TYRO3: variants seen among roughly 807,000 people sequenced by gnomAD.
TYRO3 encodes tyrosine-protein kinase receptor TYRO3.
A neutral mutation model predicts 95.2 loss-of-function variants in TYRO3; 38 were observed. The ratio of observed to expected loss-of-function variants is 0.40; its 90% CI spans 0.31 to 0.52. TYRO3 has a LOEUF of 0.52. Among genes scored for constraint, TYRO3 ranks in the 20% least tolerant of loss-of-function variants. TYRO3 has a pLI of 0.56. For missense variants in TYRO3, 812 were observed against 1,116.4 expected (o/e 0.73, Z 3.89); for synonymous variants, 367 against 432.9 (o/e 0.85, Z 1.89).
intron 7 of TYRO3, 78 bp from the exon 8 acceptor site, chr15:41,568,139 G>A: frequency 6.3e-7 from 1 of 1,578,430 alleles, no homozygotes; most frequent in Non-Finnish European, 8.6e-7. Flanking sequence ...GTTCTTGGGA[G>A]TTGATTCCAA....
Position 41,570,112 on chromosome 15 carries a change from G to C in TYRO3, c.1338G>C (p.Leu446=). 1 of 1,614,174 alleles carries C rather than the reference G, an allele frequency of 6.2e-7. No homozygotes were observed. The highest frequency in any genetic ancestry group is 1.1e-5 in the South Asian group (1 of 91,084). ...VLTALVTAAA[L]ALILLRKRRK... ...CGGCCCTGGTGACGGCTGCTGCCCT[G>C]GCCCTCATCCTGCTTCGAAAGAGAC... Residue 446 remains leucine (L), a synonymous_variant, in exon 10 of 19, where the codon CTG becomes CTC. Coordinates refer to ENST00000263798, the MANE Select transcript of TYRO3 (RefSeq NM_006293.4).
At position 41,568,219 on chromosome 15, in the gene TYRO3, C is replaced by G; in HGVS notation, c.964C>G (p.Pro322Ala). Residue 322 changes from proline (P) to alanine (A), a missense_variant and splice_region_variant, in exon 8 of 19, where the codon CCA (proline) becomes GCA (alanine). Coordinates refer to ENST00000263798, the MANE Select transcript of TYRO3 (RefSeq NM_006293.4). ...CAATCTTCTCTCTTTGGCTGCAGCC[C>G]CAGCCAGCGCTCCCCAAAACCTCCA... is the stretch of plus-strand genomic sequence containing the variant. ...WVPFQTKGLA[P>A]ASAPQNLHAI... 6.2e-7 allele frequency: 1 copy of G among 1,611,980 alleles called. No individual in the cohort carries two copies. Among genetic ancestry groups the G allele is most frequent in the Non-Finnish European group, 8.5e-7 (1 of 1,179,786 alleles).
chr15:41,560,459 T>G (rs2055638863), intron 1 of TYRO3, among the ~76,000 whole-genome samples: 1 of 140,504 alleles, frequency 7.1e-6, no homozygotes, highest in East Asian at 2.0e-4. Flanking sequence ...GCACGCAAGT[T>G]CCAAAGAGTG....
chr15:41,573,262 G>A, intron 16 of TYRO3, 46 bp from the exon 17 acceptor site: 1 of 1,610,830 alleles, frequency 6.2e-7, no homozygotes, highest in Non-Finnish European at 8.5e-7. Flanking sequence ...TTGTGGGCCT[G>A]TGAGCATGGC....
chr15:41,570,356 T>C lies in TYRO3; in HGVS notation c.1483+16T>C, dbSNP rs1465762172. On this transcript the variant is annotated intron_variant, in intron 11 of 18. Transcript: ENST00000263798. ...GAGGCCACATGTGAGTGGTGGGTGA[T>C]CGTGGGAAGGACAAATGGGCTGTCT... is the stretch of plus-strand genomic sequence containing the variant. 2 of 1,612,892 alleles carry C rather than the reference T, an allele frequency of 1.2e-6. No homozygotes were observed.
At chr15:41,561,080 GAC>G (rs754359316) in intron 1 of TYRO3, 45 bp from the exon 2 acceptor site, 18 of 1,608,244 alleles carry the variant, frequency 1.1e-5, no homozygotes, top group Non-Finnish European at 1.5e-5. Flanking sequence ...TGTTTACAGA[GAC>G]AGAGTCCCTC....
chr15:41,570,886 C>T (rs2055787278), intron 12 of TYRO3, 152 bp from the exon 13 acceptor site: 1 of 945,150 alleles, frequency 1.1e-6, no homozygotes, highest in Non-Finnish European at 1.7e-6. Flanking sequence ...GGAGCTGCTC[C>T]CAGCATGCTC....
intron 14 of TYRO3, among the ~76,000 whole-genome samples, chr15:41,572,216 G>T (rs187201006): frequency 6.6e-6 from 1 of 152,296 alleles, no homozygotes; most frequent in East Asian, 1.9e-4. Context: ...AAGACTGCTT[G>T]TGTGGACAGA....
At chr15:41,573,202 G>C in intron 16 of TYRO3, 91 bp downstream of exon 16, 1 of 1,403,418 alleles carries the variant, frequency 7.1e-7, no homozygotes, top group Non-Finnish European at 9.7e-7. Context: ...GACAGTATCT[G>C]CTATGCATGG....
chr15:41,563,485 G>A (rs2055682599), intron 4 of TYRO3, among the ~76,000 whole-genome samples: 1 of 152,154 alleles, frequency 6.6e-6, no homozygotes. Flanking sequence ...GACAAGAGGT[G>A]GACTATGAGA....
chr15:41,572,862 C>T (rs1463285915), intron 15 of TYRO3, 140 bp from the exon 16 acceptor site: 4 of 769,306 alleles, frequency 5.2e-6, no homozygotes, highest in South Asian at 1.9e-5. Context: ...GCTTCCTTGC[C>T]TTGGGAAGGC....
At position 41,564,117 on chromosome 15, in the gene TYRO3, C is replaced by T. The variant is rs539156100; in HGVS notation, c.581-67C>T. ...TGTTCAGACCAGAGCCTGAGTATTC[C>T]CCTTTCCCAGTCCCGCACTGAGTGG... On this transcript the variant is annotated intron_variant, in intron 4 of 18. Transcript: ENST00000263798. 10 of 1,437,040 alleles carry T rather than the reference C, an allele frequency of 7.0e-6. No individual in the cohort carries two copies. In the Admixed American group the frequency reaches 1.2e-4, roughly 17 times the overall value. The allele number at this position is 1,437,040 out of a possible 1,614,324, so 89.0% of individuals were successfully genotyped here.
intron 15 of TYRO3, 76 bp downstream of exon 15, chr15:41,572,640 CAG>C: frequency 1.4e-6 from 2 of 1,417,554 alleles, no homozygotes; most frequent in Non-Finnish European, 1.9e-6. Context: ...GAGACCCTGG[CAG>C]AGAGGGGCTT....
rs2055775476 is a variant in TYRO3 at position 41,570,114 on chromosome 15, C to G, written c.1340C>G (p.Ala447Gly). Residue 447 changes from alanine to glycine, a missense_variant, in exon 10 of 19, where the codon GCC (alanine) becomes GGC (glycine). Physicochemically the swap from Ala to Gly is moderately conservative, Grantham distance 60. Coordinates refer to ENST00000263798, the MANE Select transcript of TYRO3 (RefSeq NM_006293.4). ...GCCCTGGTGACGGCTGCTGCCCTGG[C>G]CCTCATCCTGCTTCGAAAGAGACGG... is the stretch of plus-strand genomic sequence containing the variant. The part of the protein sequence containing the change: ...LTALVTAAAL[A>G]LILLRKRRKE... 1 of 1,614,062 alleles carries G rather than the reference C, an allele frequency of 6.2e-7. No homozygotes were observed.
At chr15:41,564,319 C>T (rs749534956) in intron 5 of TYRO3, 49 bp downstream of exon 5, 8 of 1,557,666 alleles carry the variant, frequency 5.1e-6, no homozygotes, top group Non-Finnish European at 6.2e-6. Context: ...GGGGCATTCC[C>T]AGCGAGCTGT....
rs369691510 is a variant in TYRO3 at position 41,575,965 on chromosome 15, G to A, written c.2283-1921G>A. On this transcript the variant is annotated intron_variant, in intron 18 of 18. Transcript: ENST00000263798. ...ATTAAAAATACAAAATTAGCTGGGC[G>A]TGGTGGCGCATGCCTGTAATGCCAG... Among the ~76,000 whole-genome samples the A allele has an allele frequency of 5.5e-4, 83 of 151,894 alleles. 1 individual carries two copies. In the South Asian group the frequency reaches 0.011, roughly 20 times the overall value.
chr15:41,567,126 G>A (rs142809390), intron 6 of TYRO3, among the ~76,000 whole-genome samples: 306 of 152,308 alleles, frequency 2.0e-3, no homozygotes, highest in Middle Eastern at 0.01. Flanking sequence ...CTTAAAGGAT[G>A]AGTAGGCCTT....
intron 6 of TYRO3, among the ~76,000 whole-genome samples, chr15:41,566,320 T>TAAA (rs57924730): frequency 9.8e-5 from 4 of 40,952 alleles, no homozygotes; most frequent in African/African-American, 4.8e-4. Flanking sequence ...CTGTCTCTAT[T>TAAA]AAAAAAAAAA....
intron 5 of TYRO3, chr15:41,564,719 C>T: frequency 2.4e-6 from 1 of 409,052 alleles, no homozygotes; most frequent in African/African-American, 2.0e-5. Flanking sequence ...GCCTGTCTCT[C>T]CCTTGTATCT....
Sources: allele counts gnomAD v4.1 joint callset (sites outside exome capture counted in the v4.1 genomes callset), GRCh38; gene constraint gnomAD v4.1.1; transcripts MANE v1.5; gene names NCBI Gene and HGNC (gene_info 2026-07-23, HGNC 2026-07-21).